AMZ1: variants seen among roughly 807,000 people sequenced by gnomAD.
AMZ1 encodes the protein archaemetzincin-1.
In AMZ1, 39 loss-of-function variants were observed where a neutral mutation model predicts 29.9. The ratio of observed to expected loss-of-function variants is 1.30; its 90% CI spans 1.01 to 1.70. The LOEUF (loss-of-function observed/expected upper bound fraction) is 1.70, where lower values mean the gene tolerates loss of function less well. AMZ1 is among the 40% of genes most tolerant of loss of function. The pLI, the probability that AMZ1 is intolerant of heterozygous loss-of-function variation, is 0.00. For synonymous variants in AMZ1, 458 were observed against 304.0 expected, an observed-to-expected ratio of 1.51 and a Z score of -5.27; for missense variants, 1,041 against 680.6, an observed-to-expected ratio of 1.53 and a Z score of -5.89.
chr7:2,745,827 C>T (rs1373802131), intron 4 of AMZ1, among the ~76,000 whole-genome samples: 1 of 152,180 alleles, frequency 6.6e-6, no homozygotes, highest in Non-Finnish European at 1.5e-5. Context: ...GCAGGAAGAT[C>T]TACCAAGCAA....
In AMZ1 at chr7:2,717,319, G is replaced by C. The variant is rs1284280554; in HGVS notation, c.*4441G>C. Among the ~76,000 whole-genome samples, 1 of 152,266 alleles carries C rather than the reference G, an allele frequency of 6.6e-6. No homozygotes were observed. Among genetic ancestry groups the C allele is most frequent in the African/African-American group, 2.4e-5 (1 of 41,470 alleles). ...GCTTCGCGACGGGGCTCATAGACCT[G>C]AACTGGGTCTGCCTGCCTGTGTGCT... On this transcript the variant is annotated 3_prime_UTR_variant, in exon 7 of 7. Coordinates refer to ENST00000683327, the MANE Select transcript of AMZ1 (RefSeq NM_001384743.1).
At chr7:2,762,558 C>A, upstream of AMZ1, 1 of 1,401,802 alleles carries the variant, frequency 7.1e-7, no homozygotes, top group South Asian at 1.5e-5. Flanking sequence ...GGAGTTAGAT[C>A]CAATGACATT....
chr7:2,684,816 C>T (rs993293725), upstream of AMZ1, among the ~76,000 whole-genome samples: 5 of 151,934 alleles, frequency 3.3e-5, no homozygotes, highest in African/African-American at 9.6e-5. Context: ...TCCAGTCTCC[C>T]GGGCTGACCC....
rs1789154487 is a variant in AMZ1 at position 2,716,898 on chromosome 7, A to G, written c.*4020A>G. On this transcript the variant is annotated 3_prime_UTR_variant, in exon 7 of 7. Coordinates refer to ENST00000683327, the MANE Select transcript of AMZ1 (RefSeq NM_001384743.1). ...TGGGACTGGGAAGGGCTGGAGCCTCAGAAACGGCAGAGCGGAAGTTGAGGC... is the reference window on the plus strand; with the variant it reads ...TGGGACTGGGAAGGGCTGGAGCCTCGGAAACGGCAGAGCGGAAGTTGAGGC... Among the ~76,000 whole-genome samples, 2 of 152,222 alleles carry G rather than the reference A, an allele frequency of 1.3e-5. No individual in the cohort carries two copies. The highest frequency in any genetic ancestry group is 4.8e-5 in the African/African-American group (2 of 41,460).
intron 6 of AMZ1, 117 bp downstream of exon 6, chr7:2,709,933 G>T (rs1477996926): frequency 1.4e-6 from 2 of 1,382,298 alleles, no homozygotes; most frequent in East Asian, 5.0e-5. Context: ...CAACTGCCGG[G>T]TTCCAGGCAG....
rs959234246 is a variant in AMZ1 at position 2,750,650 on chromosome 7, T to C, written n.551-14062T>C. On this transcript the variant is annotated intron_variant and non_coding_transcript_variant, in intron 4 of 4. Transcript: ENST00000489665. ...GTATTCATCCCCTTTTGGACCACGG[T>C]TGACTGCGGGTAACTGAAACCATGG... Among the ~76,000 whole-genome samples, 6 of 152,240 alleles carry C rather than the reference T, an allele frequency of 3.9e-5. No homozygotes were observed. The South Asian group carries it at 1.2e-3, about 32-fold the overall frequency.
intron 4 of AMZ1, among the ~76,000 whole-genome samples, chr7:2,746,853 C>T (rs1228725448): frequency 6.6e-6 from 1 of 152,218 alleles, no homozygotes; most frequent in Non-Finnish European, 1.5e-5. Flanking sequence ...ACCAATCCCA[C>T]AGAAATACAA....
rs189350898 is a variant in AMZ1 at position 2,711,416 on chromosome 7, G to T, written c.949-914G>T. On this transcript the variant is annotated intron_variant, in intron 6 of 6. Transcript: ENST00000683327. ...TGTAAACAGTCTCACGATGGCTGATGTGAGCTCCCAATGTGATGTCAGTGA... is the reference window on the plus strand; with the variant it reads ...TGTAAACAGTCTCACGATGGCTGATTTGAGCTCCCAATGTGATGTCAGTGA... 7.9e-5 allele frequency among the ~76,000 whole-genome samples: 12 copies of T among 152,352 alleles called. No individual in the cohort carries two copies. The East Asian group carries it at 2.3e-3, about 29-fold the overall frequency.
At chr7:2,755,386 C>T (rs904004198) in intron 4 of AMZ1, among the ~76,000 whole-genome samples, 6 of 152,336 alleles carry the variant, frequency 3.9e-5, no homozygotes, top group Non-Finnish European at 7.3e-5. Context: ...TCCATGAACA[C>T]GGCACATCCC....
chr7:2,762,920 C>T (rs576076836), upstream of AMZ1: 9 of 1,409,094 alleles, frequency 6.4e-6, no homozygotes, highest in South Asian at 6.5e-5. Flanking sequence ...AGGCCACAGG[C>T]GGGGACGCCC....
chr7:2,739,968 C>T (rs1301745409), intron 4 of AMZ1, among the ~76,000 whole-genome samples: 8 of 152,094 alleles, frequency 5.3e-5, no homozygotes, highest in Admixed American at 2.6e-4. Flanking sequence ...TCACTGTGCC[C>T]GGCAGTCCTT....
At chr7:2,724,111 G>C (rs1346078262), downstream of AMZ1, among the ~76,000 whole-genome samples, 1 of 151,298 alleles carries the variant, frequency 6.6e-6, no homozygotes, top group East Asian at 2.0e-4. Context: ...GTGGGGGGGC[G>C]GGTCTCACCA....
chr7:2,763,501 T>C (rs187621700), upstream of AMZ1, among the ~76,000 whole-genome samples: 6 of 152,356 alleles, frequency 3.9e-5, no homozygotes, highest in Non-Finnish European at 7.3e-5. Context: ...TGCTGCTCTA[T>C]GGCTGAGGAT....
At chr7:2,709,416 A>G (rs536989147) in intron 5 of AMZ1, among the ~76,000 whole-genome samples, 172 bp downstream of exon 5, 2 of 150,870 alleles carry the variant, frequency 1.3e-5, no homozygotes, top group African/African-American at 4.8e-5. Flanking sequence ...GAGGGATTAG[A>G]GCCCCAAGCC....
rs573761801 is a variant in AMZ1 at position 2,717,098 on chromosome 7, C to G, written c.*4220C>G. On this transcript the variant is annotated 3_prime_UTR_variant, in exon 7 of 7. Coordinates refer to ENST00000683327, the MANE Select transcript of AMZ1 (RefSeq NM_001384743.1). ...CACCCACGCCCCTCGGTTCTGATAACCAGGAGGCTTTCTGGCCCGTGCAGC... is the reference window on the plus strand; with the variant it reads ...CACCCACGCCCCTCGGTTCTGATAAGCAGGAGGCTTTCTGGCCCGTGCAGC... Among the ~76,000 whole-genome samples, 3 of 152,336 alleles carry G rather than the reference C, an allele frequency of 2.0e-5. No individual in the cohort carries two copies. The highest frequency in any genetic ancestry group is 4.8e-5 in the African/African-American group (2 of 41,574).
intron 1 of AMZ1, chr7:2,765,087 T>A (rs192726247): frequency 6.6e-6 from 1 of 151,866 alleles, no homozygotes; most frequent in African/African-American, 2.4e-5. Context: ...CCCCAAATTT[T>A]AATCCTTGAC....
chr7:2,733,463 C>T, intron 4 of AMZ1: 1 of 1,613,886 alleles, frequency 6.2e-7, no homozygotes, highest in Non-Finnish European at 8.5e-7. Flanking sequence ...GCTGGCCGAT[C>T]CGGTCCAAGT....
rs143204140 is a variant in AMZ1 at position 2,694,592 on chromosome 7, A to G, written c.-218-5642A>G. Among the ~76,000 whole-genome samples, 950 of 152,046 alleles carry G rather than the reference A, an allele frequency of 6.2e-3. 15 individuals carry two copies. The highest frequency in any genetic ancestry group is 0.022 in the African/African-American group (906 of 41,456). On this transcript the variant is annotated intron_variant, in intron 1 of 6. Transcript: ENST00000683327. ...GGTGTGAGCCACCGTACCTGGTCAT[A>G]ATCCTATAAATATACATGTGAGATT...
At chr7:2,692,896 T>G (rs886286113) in intron 1 of AMZ1, among the ~76,000 whole-genome samples, 1 of 152,136 alleles carries the variant, frequency 6.6e-6, no homozygotes, top group Non-Finnish European at 1.5e-5. Context: ...CACACTGGCC[T>G]CCTCCGGCTG....
Sources: gnomAD v4.1 joint callset for allele counts (sites outside exome capture counted in the v4.1 genomes callset) on GRCh38, gnomAD v4.1.1 for gene constraint, MANE v1.5 for transcripts, NCBI Gene and HGNC (gene_info 2026-07-23, HGNC 2026-07-21) for gene names.